RAPGEF4: variants seen among roughly 807,000 people sequenced by gnomAD.
The protein encoded by RAPGEF4 is Rap guanine nucleotide exchange factor 4.
RAPGEF4 carries 66 observed loss-of-function variants against 147.9 expected under a neutral mutation model. The ratio of observed to expected loss-of-function variants is 0.45; its 90% CI spans 0.37 to 0.55. The LOEUF (loss-of-function observed/expected upper bound fraction) is 0.55, where lower values mean the gene tolerates loss of function less well. RAPGEF4 is among the 20% of genes least tolerant of loss of function. The pLI is 0.00. For missense variants in RAPGEF4, 1,071 were observed against 1,257.3 expected, an observed-to-expected ratio of 0.85 and a Z score of 2.24; for synonymous variants, 419 against 442.7, an observed-to-expected ratio of 0.95 and a Z score of 0.67.
chr2:172,892,309 C>T (rs1307646051), intron 4 of RAPGEF4, among the ~76,000 whole-genome samples: 1 of 152,200 alleles, frequency 6.6e-6, no homozygotes, highest in Admixed American at 6.5e-5. Context: ...TACTTAGCTG[C>T]ATAAATATGA....
Position 173,026,621 on chromosome 2 carries a change from T to A in RAPGEF4, c.2303T>A (p.Phe768Tyr). ...EGPTVGTVGT[F>Y]ELMSSKDLAY... ...CCAACTGTTGGAACAGTGGGAACTT[T>A]TGAACTGATGAGCTCCAAAGATTTA... The change falls in exon 24 of 31, where the codon TTT (phenylalanine) becomes TAT (tyrosine). Residue 768 changes from phenylalanine to tyrosine, a missense_variant. By Grantham distance (22) the Phe-to-Tyr change is conservative. Coordinates refer to ENST00000397081, the MANE Select transcript of RAPGEF4 (RefSeq NM_007023.4). 1 of 1,613,990 alleles carries A rather than the reference T, an allele frequency of 6.2e-7. No individual in the cohort carries two copies. The highest frequency in any genetic ancestry group is 8.5e-7 in the Non-Finnish European group (1 of 1,179,874).
At chr2:172,985,557 G>A in intron 12 of RAPGEF4, 64 bp downstream of exon 12, 1 of 1,578,704 alleles carries the variant, frequency 6.3e-7, no homozygotes, top group Non-Finnish European at 8.6e-7. Context: ...CATGCCACGG[G>A]AAGCCAGGCT....
chr2:172,798,069 G>C (rs1020803705), intron 3 of RAPGEF4, among the ~76,000 whole-genome samples: 1 of 152,068 alleles, frequency 6.6e-6, no homozygotes, highest in Non-Finnish European at 1.5e-5. Flanking sequence ...GGGATGTGTG[G>C]CTGTTGCAGT....
chr2:173,014,668 C>T, intron 18 of RAPGEF4, 54 bp downstream of exon 18: 1 of 1,553,590 alleles, frequency 6.4e-7, no homozygotes, highest in Non-Finnish European at 8.7e-7. Flanking sequence ...AATACAGGGA[C>T]CTACTTATAG....
At position 172,753,406 on chromosome 2, in the gene RAPGEF4, T is replaced by TC. The variant is rs1021319361; in HGVS notation, c.65+17358_65+17359insC. On this transcript the variant is annotated intron_variant, in intron 1 of 30. Coordinates refer to ENST00000397081, the MANE Select transcript of RAPGEF4 (RefSeq NM_007023.4). ...AACTAAAACCTTGATTTTCTTTTTT[T>TC]TTTTTAATTTACCTACAATTGATTT... is the stretch of plus-strand genomic sequence containing the variant. Among the ~76,000 whole-genome samples, 38 of 151,796 alleles carry TC rather than the reference T, an allele frequency of 2.5e-4. 1 individual carries two copies. Among genetic ancestry groups the TC allele is most frequent in the Non-Finnish European group, 2.1e-4 (14 of 67,884 alleles).
At chr2:172,927,710 G>A (rs908672223) in intron 6 of RAPGEF4, among the ~76,000 whole-genome samples, 3 of 151,976 alleles carry the variant, frequency 2.0e-5, no homozygotes, top group Admixed American at 1.3e-4. Flanking sequence ...TCCACCTTTC[G>A]AGGACCAACT....
intron 3 of RAPGEF4, among the ~76,000 whole-genome samples, chr2:172,810,495 G>A (rs1687922123): frequency 6.6e-6 from 1 of 152,236 alleles, no homozygotes; most frequent in Non-Finnish European, 1.5e-5. Flanking sequence ...GGATAATTAA[G>A]TAAGGAGGTC....
intron 1 of RAPGEF4, among the ~76,000 whole-genome samples, chr2:172,759,886 A>G (rs912811367): frequency 1.3e-5 from 2 of 152,132 alleles, no homozygotes; most frequent in African/African-American, 4.8e-5. Flanking sequence ...ATATAAACAA[A>G]CAAAGAAAGA....
At chr2:173,006,433 A>C (rs553213366) in intron 17 of RAPGEF4, among the ~76,000 whole-genome samples, 13 of 152,304 alleles carry the variant, frequency 8.5e-5, no homozygotes, top group Admixed American at 4.6e-4. Context: ...TTAGTATACT[A>C]ATTTTCTTTA....
At chr2:172,906,459 C>T (rs1699641525) in intron 4 of RAPGEF4, among the ~76,000 whole-genome samples, 1 of 152,210 alleles carries the variant, frequency 6.6e-6, no homozygotes, top group Non-Finnish European at 1.5e-5. Flanking sequence ...GTTTTTAATG[C>T]TTTTCTGGTG....
chr2:172,857,605 T>C (rs1389224667), intron 4 of RAPGEF4, among the ~76,000 whole-genome samples: 1 of 152,104 alleles, frequency 6.6e-6, no homozygotes, highest in Non-Finnish European at 1.5e-5. Flanking sequence ...ACTGGTGAAA[T>C]AGGCCAGGTG....
intron 1 of RAPGEF4, among the ~76,000 whole-genome samples, chr2:172,752,489 T>C (rs1051438203): frequency 6.6e-6 from 1 of 152,248 alleles, no homozygotes; most frequent in Admixed American, 6.5e-5. Flanking sequence ...ACTAAGTCTC[T>C]GTTGTGATGT....
chr2:172,742,664 A>G lies in RAPGEF4; in HGVS notation c.65+6616A>G, dbSNP rs13422397. On this transcript the variant is annotated intron_variant, in intron 1 of 30. Transcript: ENST00000397081. ...TGTGGCCTCAAATACATGGGAGCACATGACATATATATTTGGAGTAATTTG... is the reference window on the plus strand; with the variant it reads ...TGTGGCCTCAAATACATGGGAGCACGTGACATATATATTTGGAGTAATTTG... Among the ~76,000 whole-genome samples, 1,494 of 152,326 alleles carry G rather than the reference A, an allele frequency of 9.8e-3. 17 individuals are homozygous for G. The highest frequency in any genetic ancestry group is 0.033 in the African/African-American group (1,383 of 41,564).
chr2:172,956,413 C>A (rs931257134), intron 6 of RAPGEF4, among the ~76,000 whole-genome samples: 3 of 152,092 alleles, frequency 2.0e-5, no homozygotes, highest in African/African-American at 7.2e-5. Flanking sequence ...TTTGTCTTAG[C>A]CCTGATAGGA....
At chr2:172,976,241 G>C (rs79135940) in intron 10 of RAPGEF4, among the ~76,000 whole-genome samples, 1 of 152,202 alleles carries the variant, frequency 6.6e-6, no homozygotes, top group East Asian at 1.9e-4. Flanking sequence ...CTGAGCAGTC[G>C]GAGCTGGGTA....
chr2:172,984,074 A>G (rs1003904629), intron 11 of RAPGEF4, among the ~76,000 whole-genome samples: 5 of 152,120 alleles, frequency 3.3e-5, no homozygotes, highest in Admixed American at 6.6e-5. Flanking sequence ...AAATAACACC[A>G]CCCACTAATA....
chr2:172,890,683 G>A (rs1246676857), intron 4 of RAPGEF4, among the ~76,000 whole-genome samples: 1 of 152,200 alleles, frequency 6.6e-6, no homozygotes, highest in African/African-American at 2.4e-5. Flanking sequence ...GCAAGAAGCA[G>A]GGAGGGAACC....
Position 172,804,779 on chromosome 2 carries a change from A to G in RAPGEF4, c.297+7166A>G, listed in dbSNP as rs566227820. Among the ~76,000 whole-genome samples the G allele has an allele frequency of 2.6e-5, 4 of 152,296 alleles. No individual in the cohort carries two copies. The South Asian group carries it at 6.2e-4, about 24-fold the overall frequency. On this transcript the variant is annotated intron_variant, in intron 3 of 30. Coordinates refer to ENST00000397081, the MANE Select transcript of RAPGEF4 (RefSeq NM_007023.4). ...CTGGATTGCTGAAGCCTAAAATTAT[A>G]TATTAAAAAAAGTCATGATTCTACA...
rs73030869 is a variant in RAPGEF4, at chr2:172,889,261, G to A, written c.445-28541G>A. On this transcript the variant is annotated intron_variant, in intron 4 of 30. Coordinates refer to ENST00000397081, the MANE Select transcript of RAPGEF4 (RefSeq NM_007023.4). Reference sequence around the variant, plus strand: ...ATCACATGACACTGTCGCCTTTCAAGTTAATGGGCTTTTAACATCCTTTTG... The same window carrying A: ...ATCACATGACACTGTCGCCTTTCAAATTAATGGGCTTTTAACATCCTTTTG... Among the ~76,000 whole-genome samples, 35 of 152,054 alleles carry A rather than the reference G, an allele frequency of 2.3e-4. 1 individual carries two copies. In the East Asian group the frequency reaches 6.6e-3, roughly 29 times the overall value.
Sources: allele counts gnomAD v4.1 joint callset (sites outside exome capture counted in the v4.1 genomes callset), GRCh38; gene constraint gnomAD v4.1.1; transcripts MANE v1.5; gene names NCBI Gene and HGNC (gene_info 2026-07-23, HGNC 2026-07-21).